FBXO36: variants seen among roughly 807,000 people sequenced by gnomAD.
The protein encoded by FBXO36 is F-box protein 36.
A neutral mutation model predicts 17.0 loss-of-function variants in FBXO36; 18 were observed. That is an observed-to-expected ratio of 1.06 (90% confidence interval 0.73 to 1.57). The LOEUF (loss-of-function observed/expected upper bound fraction) is 1.57. FBXO36 is among the 40% of genes most tolerant of loss of function. FBXO36 has a pLI of 0.00. For missense variants in FBXO36, 229 were observed against 221.9 expected (o/e 1.03, Z -0.20); for synonymous variants, 83 against 85.3 (o/e 0.97, Z 0.15).
At chr2:229,945,925 G>A (rs1440156521) in intron 1 of FBXO36, among the ~76,000 whole-genome samples, 1 of 151,932 alleles carries the variant, frequency 6.6e-6, no homozygotes, top group Non-Finnish European at 1.5e-5. Flanking sequence ...TGGAGGCTGA[G>A]GCAGGAGAGT....
intron 1 of FBXO36, among the ~76,000 whole-genome samples, chr2:229,960,092 ATAT>A (rs1485036545): frequency 6.6e-6 from 1 of 151,982 alleles, no homozygotes; most frequent in East Asian, 1.9e-4. Flanking sequence ...AATGAATGTG[ATAT>A]TATAATTATT....
chr2:229,986,330 G>A (rs1474286987), intron 2 of FBXO36, among the ~76,000 whole-genome samples: 1 of 151,960 alleles, frequency 6.6e-6, no homozygotes, highest in African/African-American at 2.4e-5. Flanking sequence ...ATGAAACCCT[G>A]TCTGTATAAA....
At position 229,922,530 on chromosome 2, in the gene FBXO36, C is replaced by T. The variant is rs1166514747; in HGVS notation, c.17C>T (p.Pro6Leu). Reference sequence around the variant, plus strand: ...CGTCCCAAGATGGCGTCGTGGCTGCCGGAGACTCTCTTTGAAACTGTAGGA... The same window carrying T: ...CGTCCCAAGATGGCGTCGTGGCTGCTGGAGACTCTCTTTGAAACTGTAGGA... MASWL[P>L]ETLFETVGQG... is the part of the protein sequence containing the mutation. Residue 6 changes from proline to leucine, a missense_variant, in exon 1 of 4, where the codon CCG (proline) becomes CTG (leucine). Transcript: ENST00000283946. The T allele has an allele frequency of 6.2e-7, 1 of 1,613,902 alleles. No homozygotes were observed. Among genetic ancestry groups the T allele is most frequent in the East Asian group, 2.2e-5 (1 of 44,858 alleles).
chr2:229,970,678 A>ATG (rs2077175853), intron 1 of FBXO36, among the ~76,000 whole-genome samples: 4 of 152,286 alleles, frequency 2.6e-5, no homozygotes, highest in Admixed American at 1.3e-4. Context: ...TTCATTTAGG[A>ATG]TGTGATTCAG....
At chr2:229,922,752 C>T (rs2076785516) in intron 1 of FBXO36, 143 bp downstream of exon 1, 3 of 802,844 alleles carry the variant, frequency 3.7e-6, no homozygotes, top group Admixed American at 2.8e-5. Context: ...AGATTTTCCT[C>T]GTCACCTCGG....
At chr2:229,938,291 G>A (rs1041390095) in intron 1 of FBXO36, among the ~76,000 whole-genome samples, 1 of 123,990 alleles carries the variant, frequency 8.1e-6, no homozygotes, top group African/African-American at 3.2e-5. Context: ...GCGCCATCTC[G>A]GCTCACCGCA....
chr2:229,960,151 C>T (rs2077112972), intron 1 of FBXO36, among the ~76,000 whole-genome samples: 2 of 151,788 alleles, frequency 1.3e-5, no homozygotes, highest in African/African-American at 4.8e-5. Context: ...TTTCTCATAT[C>T]CATCTAGAAT....
intron 1 of FBXO36, among the ~76,000 whole-genome samples, chr2:229,924,767 C>T (rs2076897552): frequency 6.6e-6 from 1 of 151,064 alleles, no homozygotes; most frequent in South Asian, 2.1e-4. Flanking sequence ...CCTCTAACTA[C>T]TCTTTTTTTT....
chr2:229,924,611 G>A (rs1379581875), intron 1 of FBXO36, among the ~76,000 whole-genome samples: 1 of 152,030 alleles, frequency 6.6e-6, no homozygotes, highest in Non-Finnish European at 1.5e-5. Flanking sequence ...TCATTTGTAA[G>A]CCTCACCAGG....
intron 2 of FBXO36, among the ~76,000 whole-genome samples, chr2:229,993,280 T>A (rs1419399233): frequency 6.6e-6 from 1 of 152,124 alleles, no homozygotes; most frequent in African/African-American, 2.4e-5. Context: ...CGAGAGTAAC[T>A]AAGATCTGAA....
chr2:229,993,313 G>T (rs1390160291), intron 2 of FBXO36, among the ~76,000 whole-genome samples: 1 of 152,146 alleles, frequency 6.6e-6, no homozygotes, highest in Non-Finnish European at 1.5e-5. Flanking sequence ...GTCATTTATT[G>T]TCTCTAAGGG....
At chr2:229,927,757 A>G (rs1277850424) in intron 1 of FBXO36, among the ~76,000 whole-genome samples, 1 of 152,012 alleles carries the variant, frequency 6.6e-6, no homozygotes, top group Non-Finnish European at 1.5e-5. Flanking sequence ...ATTTGAAAAA[A>G]AAAAAAAAAT....
At chr2:229,925,726 C>T (rs1248531906) in intron 1 of FBXO36, among the ~76,000 whole-genome samples, 4 of 152,142 alleles carry the variant, frequency 2.6e-5, no homozygotes, top group Non-Finnish European at 5.9e-5. Flanking sequence ...TCATTAGTGT[C>T]ATACCACCAC....
rs529879444 is a variant in FBXO36 at position 229,977,383 on chromosome 2, A to T, written c.205+1034A>T. Among the ~76,000 whole-genome samples, 23 of 152,286 alleles carry T rather than the reference A, an allele frequency of 1.5e-4. No homozygotes were observed. In the South Asian group the frequency reaches 4.8e-3, roughly 32 times the overall value. The stretch of plus-strand genomic sequence containing the variant: ...GTCTAAGCCCAATTGCTTCCCAATT[A>T]ATTATTTTAACACTTCTCAATATGA... On this transcript the variant is annotated intron_variant, in intron 2 of 3. Transcript: ENST00000283946.
intron 1 of FBXO36, among the ~76,000 whole-genome samples, chr2:229,932,618 C>G (rs1471501404): frequency 1.3e-5 from 2 of 151,590 alleles, no homozygotes; most frequent in African/African-American, 4.9e-5. Flanking sequence ...ATGGAGGTTG[C>G]AGTGAGCCGA....
At chr2:229,987,394 T>C (rs950477212) in intron 2 of FBXO36, among the ~76,000 whole-genome samples, 1 of 152,172 alleles carries the variant, frequency 6.6e-6, no homozygotes, top group East Asian at 1.9e-4. Flanking sequence ...ATGATAATGG[T>C]AATTTACATT....
At chr2:230,002,755 A>G (rs1331928557) in intron 3 of FBXO36, among the ~76,000 whole-genome samples, 2 of 152,212 alleles carry the variant, frequency 1.3e-5, no homozygotes, top group African/African-American at 4.8e-5. Flanking sequence ...CTCTTCTTCA[A>G]AAATGGTTTA....
chr2:229,979,425 T>C (rs2077226739), intron 2 of FBXO36, among the ~76,000 whole-genome samples: 1 of 151,970 alleles, frequency 6.6e-6, no homozygotes, highest in Admixed American at 6.6e-5. Context: ...TGTGATAGTT[T>C]GTTGTTGTTT....
chr2:229,992,377 C>G (rs945025228), intron 2 of FBXO36, among the ~76,000 whole-genome samples: 2 of 152,026 alleles, frequency 1.3e-5, no homozygotes, highest in African/African-American at 4.8e-5. Context: ...GGGCTGGTCT[C>G]GAACTCCTGA....
Sources: allele counts gnomAD v4.1 joint callset (sites outside exome capture counted in the v4.1 genomes callset), GRCh38; gene constraint gnomAD v4.1.1; transcripts MANE v1.5; gene names NCBI Gene and HGNC (gene_info 2026-07-23, HGNC 2026-07-21).